The following MAP1A variants were observed in gnomAD, a reference collection of about 807,000 sequenced individuals.
The protein encoded by MAP1A is microtubule-associated protein 1A.
In MAP1A, 42 loss-of-function variants were observed where a neutral mutation model predicts 185.9. The ratio of observed to expected loss-of-function variants is 0.23; its 90% CI spans 0.18 to 0.29. MAP1A has a LOEUF of 0.29. Ranked by LOEUF, MAP1A falls within the 10% of genes least tolerant of loss-of-function variation. MAP1A has a pLI of 1.00. For missense variants in MAP1A, 2,995 were observed against 3,450.4 expected, an observed-to-expected ratio of 0.87 and a Z score of 3.31; for synonymous variants, 1,229 against 1,335.9, an observed-to-expected ratio of 0.92 and a Z score of 1.74.
At chr15:43,516,994 G>A (rs1225105526), upstream of MAP1A, among the ~76,000 whole-genome samples, 1 of 152,144 alleles carries the variant, frequency 6.6e-6, no homozygotes, top group Non-Finnish European at 1.5e-5. Flanking sequence ...CAGGGTCCCT[G>A]TGCCCCACCC....
rs1162051580 is a variant in MAP1A at position 43,523,243 on chromosome 15, G to A, written c.1770G>A (p.Met590Ile). The A allele has an allele frequency of 6.2e-7, 1 of 1,614,076 alleles. No homozygotes were observed. Among genetic ancestry groups the A allele is most frequent in the East Asian group, 2.2e-5 (1 of 44,890 alleles). ...GGCTGGGACAAGAAGAACATGTGAT[G>A]AAGGAGAAAGAGCTTGTCCCAGAGG... is the stretch of plus-strand genomic sequence containing the variant. ...VPGLGQEEHV[M>I]KEKELVPEVP... The change falls in exon 4 of 6, where the codon ATG becomes ATA. Residue 590 changes from methionine (M) to isoleucine (I), a missense_variant. Transcript: ENST00000300231.
At position 43,529,476 on chromosome 15, in the gene MAP1A, A is replaced by G. The variant is rs2079362377; in HGVS notation, c.8003A>G (p.Lys2668Arg). ...EEKDGHSPMS[K>R]GLVNGLKAGP... is the part of the protein sequence containing the mutation. ...AAGGATGGACACAGCCCCATGTCCA[A>G]AGGCCTAGTCAATGGACTCAAGGCA... Residue 2668 changes from lysine to arginine, a missense_variant, in exon 4 of 6, where the codon AAA becomes AGA. Physicochemically the swap from Lys to Arg is conservative, Grantham distance 26 (BLOSUM62 2). This residue lies in a region of MAP1A where 2,728 missense variants were observed against 2,986.0 expected (regional missense o/e 0.91). Coordinates refer to ENST00000300231, the MANE Select transcript of MAP1A (RefSeq NM_002373.6). This position sits in a 1 kb window ranked among gnomAD's most constrained non-coding sequence, Gnocchi z 4.3. 6.2e-7 allele frequency: 1 copy of G among 1,611,716 alleles called. No individual in the cohort carries two copies. The highest frequency in any genetic ancestry group is 8.5e-7 in the Non-Finnish European group (1 of 1,178,588).
In MAP1A at chr15:43,525,413, G is replaced by C. The variant is rs888121977; in HGVS notation, c.3940G>C (p.Glu1314Gln). The C allele has an allele frequency of 2.4e-5, 39 of 1,614,142 alleles. No homozygotes were observed. The highest frequency in any genetic ancestry group is 3.3e-5 in the Non-Finnish European group (39 of 1,180,042). Residue 1314 changes from glutamate to glutamine, a missense_variant, in exon 4 of 6, where the codon GAA becomes CAA. Glu to Gln is a conservative substitution (Grantham distance 29). Transcript: ENST00000300231. ...YLPGAITSPD[E>Q]HILTPDSSFS... ...ACCTGGGGCGATCACAAGCCCTGAT[G>C]AACACATTCTGACACCTGATAGCTC...
In MAP1A at chr15:43,517,611, C is replaced by A; in HGVS notation, c.-464C>A. Reference sequence around the variant, plus strand: ...TCCCCCCCCCACCGCCCGCCCCACTCCCACCCTAAGTGCTGCAGACTCTTC... The same window carrying A: ...TCCCCCCCCCACCGCCCGCCCCACTACCACCCTAAGTGCTGCAGACTCTTC... On this transcript the variant is annotated 5_prime_UTR_variant, in exon 1 of 6. Transcript: ENST00000300231. 5 of 855,762 alleles carry A rather than the reference C, an allele frequency of 5.8e-6. No homozygotes were observed. Among genetic ancestry groups the A allele is most frequent in the Non-Finnish European group, 5.6e-6 (4 of 712,480 alleles). 53.0% of individuals were successfully genotyped at this position (855,762 alleles called of 1,614,324 possible). A position where few individuals can be genotyped will look rare whatever the true frequency, so the allele number is the denominator to read the frequency against.
rs1484287850 is a variant in MAP1A at position 43,527,381 on chromosome 15, A to G, written c.5908A>G (p.Ile1970Val). The G allele has an allele frequency of 1.2e-6, 2 of 1,614,186 alleles. No homozygotes were observed. Among genetic ancestry groups the G allele is most frequent in the Non-Finnish European group, 1.7e-6 (2 of 1,180,006 alleles). Residue 1970 changes from isoleucine (I) to valine (V), a missense_variant, in exon 4 of 6, where the codon ATC becomes GTC. Coordinates refer to ENST00000300231, the MANE Select transcript of MAP1A (RefSeq NM_002373.6). The stretch of plus-strand genomic sequence containing the variant: ...TGAGAGAAGCTTTCAGTATGCAGAC[A>G]TCTATGAGCAGATGATGCTTACTGG... ...PDERSFQYAD[I>V]YEQMMLTGLG...
At position 43,523,023 on chromosome 15, in the gene MAP1A, T is replaced by C; in HGVS notation, c.1550T>C (p.Ile517Thr). The stretch of plus-strand genomic sequence containing the variant: ...AAGGGAACTGTACCACTCCCAACCA[T>C]CAGTGGGCACAGGGAGCTGGTCCTA... ...AQKGTVPLPT[I>T]SGHRELVLSS... is the part of the protein sequence containing the mutation. Residue 517 changes from isoleucine (I) to threonine (T), a missense_variant, in exon 4 of 6, where the codon ATC becomes ACC. Physicochemically the swap from Ile to Thr is moderately conservative, Grantham distance 89 (BLOSUM62 -1). Around this residue, in one of 3 missense-constraint regions of MAP1A, gnomAD observed 2,728 missense variants for 2,986.0 expected, o/e 0.91. Transcript: ENST00000300231. 6.2e-7 allele frequency: 1 copy of C among 1,614,086 alleles called. No individual in the cohort carries two copies. Among genetic ancestry groups the C allele is most frequent in the Non-Finnish European group, 8.5e-7 (1 of 1,180,010 alleles).
In MAP1A at chr15:43,527,988, C is replaced by T. The variant is rs1476966164; in HGVS notation, c.6515C>T (p.Ser2172Leu). Residue 2172 changes from serine to leucine, a missense_variant, in exon 4 of 6, where the codon TCA becomes TTA. Physicochemically the swap from Ser to Leu is moderately radical, Grantham distance 145. Transcript: ENST00000300231. ...DFPASAFGFS[S>L]LQPAPPQLPS... is the part of the protein sequence containing the mutation. ...CCTGCTTCAGCCTTTGGCTTCTCCTCATTGCAGCCAGCTCCCCCACAGCTG... is the reference window on the plus strand; with the variant it reads ...CCTGCTTCAGCCTTTGGCTTCTCCTTATTGCAGCCAGCTCCCCCACAGCTG... The T allele has an allele frequency of 1.9e-6, 3 of 1,613,950 alleles. No individual in the cohort carries two copies. The highest frequency in any genetic ancestry group is 2.5e-6 in the Non-Finnish European group (3 of 1,180,020).
chr15:43,511,205 G>A (rs1220004324), exon 1 of MAP1A: 2 of 1,550,406 alleles, frequency 1.3e-6, no homozygotes, highest in Non-Finnish European at 1.7e-6. Context: ...GCTGAGGGCC[G>A]TGCGGGCCCA....
In MAP1A at chr15:43,511,244, C is replaced by T. The variant is rs755182926; in HGVS notation, c.238+18C>T. 1.6e-5 allele frequency: 24 copies of T among 1,541,278 alleles called. 2 individuals carry two copies. In the South Asian group the frequency reaches 2.9e-4, roughly 18 times the overall value. On this transcript the variant is annotated intron_variant, in intron 1 of 6. Transcript: ENST00000382031. Reference sequence around the variant, plus strand: ...TGAACAAGGTGAGCCACTGTTCTGGCTGTGCTTCAGGCATCTCTACCCTGT... The same window carrying T: ...TGAACAAGGTGAGCCACTGTTCTGGTTGTGCTTCAGGCATCTCTACCCTGT...
upstream of MAP1A, among the ~76,000 whole-genome samples, chr15:43,515,617 G>T (rs974147789): frequency 7.2e-5 from 11 of 152,196 alleles, no homozygotes; most frequent in African/African-American, 2.4e-4. Flanking sequence ...GAATGAAGAA[G>T]CTTTTTTTTC....
chr15:43,527,084 C>T lies in MAP1A; in HGVS notation c.5611C>T (p.His1871Tyr), dbSNP rs957075910. The T allele has an allele frequency of 2.5e-6, 4 of 1,586,968 alleles. No homozygotes were observed. Among genetic ancestry groups the T allele is most frequent in the Non-Finnish European group, 3.4e-6 (4 of 1,165,524 alleles). Residue 1871 changes from histidine to tyrosine, a missense_variant, in exon 4 of 6, where the codon CAT becomes TAT. Around this residue, in one of 3 missense-constraint regions of MAP1A, gnomAD observed 2,728 missense variants for 2,986.0 expected, o/e 0.91. Coordinates refer to ENST00000300231, the MANE Select transcript of MAP1A (RefSeq NM_002373.6). ...PGPPTPAPESHTPAPFSWGTA... is the reference protein window; with the variant it reads ...PGPPTPAPESYTPAPFSWGTA... ...TCCCCCCACACCTGCCCCGGAATCC[C>T]ATACTCCTGCACCCTTCTCTTGGGG... is the stretch of plus-strand genomic sequence containing the variant.
At chr15:43,518,704 G>GCCCCCCCCCCCCCCCCC (rs1415845642) in intron 1 of MAP1A, among the ~76,000 whole-genome samples, 5 of 104,404 alleles carry the variant, frequency 4.8e-5, no homozygotes, top group Middle Eastern at 5.3e-3. Context: ...CTGCACCGCA[G>GCCCCCCCCCCCCCCCCC]CCCACCCCCC....
chr15:43,516,040 C>G (rs1315654388), upstream of MAP1A, among the ~76,000 whole-genome samples: 3 of 152,274 alleles, frequency 2.0e-5, no homozygotes, highest in East Asian at 3.9e-4. Context: ...AACTAAATGT[C>G]TACTTAAGTT....
chr15:43,529,062 C>G lies in MAP1A; in HGVS notation c.7589C>G (p.Ala2530Gly). 6.2e-7 allele frequency: 1 copy of G among 1,613,892 alleles called. No individual in the cohort carries two copies. Reference sequence around the variant, plus strand: ...TGTCCGTCCATCACAGCTGAGGCAGCCCTCGACTCAGATGAAGATGGAGAC... The same window carrying G: ...TGTCCGTCCATCACAGCTGAGGCAGGCCTCGACTCAGATGAAGATGGAGAC... ...EECPSITAEA[A>G]LDSDEDGDFL... Residue 2530 changes from alanine to glycine, a missense_variant, in exon 4 of 6, where the codon GCC becomes GGC. Ala to Gly is a moderately conservative substitution (Grantham distance 60). Coordinates refer to ENST00000300231, the MANE Select transcript of MAP1A (RefSeq NM_002373.6). This position sits in a 1 kb window ranked among gnomAD's most constrained non-coding sequence, Gnocchi z 4.3.
intron 1 of MAP1A, 80 bp from the exon 2 acceptor site, chr15:43,520,561 C>A: frequency 1.1e-6 from 1 of 941,736 alleles, no homozygotes; most frequent in Non-Finnish European, 1.7e-6. Flanking sequence ...AGCCCCATTT[C>A]CTGATAGCAC....
Position 43,521,281 on chromosome 15 carries a change from A to C in MAP1A, c.-150-43A>C, listed in dbSNP as rs1470636122. Reference sequence around the variant, plus strand: ...TACTGAATCTAAGTCAGACCAAAACAACTCTAGTGACCTGATCAGGTTTCT... The same window carrying C: ...TACTGAATCTAAGTCAGACCAAAACCACTCTAGTGACCTGATCAGGTTTCT... On this transcript the variant is annotated intron_variant, in intron 3 of 5. Coordinates refer to ENST00000300231, the MANE Select transcript of MAP1A (RefSeq NM_002373.6). This position sits in a 1 kb window ranked among gnomAD's most constrained non-coding sequence, Gnocchi z 4.6. 6.6e-7 allele frequency: 1 copy of C among 1,526,644 alleles called. No individual in the cohort carries two copies. The highest frequency in any genetic ancestry group is 2.1e-5 in the Admixed American group (1 of 47,168). The allele number at this position is 1,526,644 out of a possible 1,614,324, so 94.6% of individuals were successfully genotyped here. A position where few individuals can be genotyped will look rare whatever the true frequency, so the allele number is the denominator to read the frequency against.
At position 43,524,120 on chromosome 15, in the gene MAP1A, A is replaced by G. The variant is rs1305482853; in HGVS notation, c.2647A>G (p.Thr883Ala). 1 of 1,614,188 alleles carries G rather than the reference A, an allele frequency of 6.2e-7. No individual in the cohort carries two copies. Among genetic ancestry groups the G allele is most frequent in the Admixed American group, 1.7e-5 (1 of 60,030 alleles). The change falls in exon 4 of 6, where the codon ACG (threonine) becomes GCG (alanine). Residue 883 changes from threonine to alanine, a missense_variant. Coordinates refer to ENST00000300231, the MANE Select transcript of MAP1A (RefSeq NM_002373.6). ...CATCCCTTCCTCCCGTACTGAAGCTACGCAGGGCTTGGACTATGTGCCATC... is the reference window on the plus strand; with the variant it reads ...CATCCCTTCCTCCCGTACTGAAGCTGCGCAGGGCTTGGACTATGTGCCATC... ...TSIPSSRTEA[T>A]QGLDYVPSAG...
Position 43,526,965 on chromosome 15 carries a change from A to G in MAP1A, c.5492A>G (p.Asn1831Ser), listed in dbSNP as rs755182861. 4.5e-5 allele frequency: 73 copies of G among 1,613,618 alleles called. 1 individual carries two copies. In the Middle Eastern group the frequency reaches 1.5e-3, roughly 33 times the overall value. The change falls in exon 4 of 6, where the codon AAT becomes AGT. Residue 1831 changes from asparagine (N) to serine (S), a missense_variant. By Grantham distance (46) the Asn-to-Ser change is conservative. Coordinates refer to ENST00000300231, the MANE Select transcript of MAP1A (RefSeq NM_002373.6). The surrounding 1 kb of genome is among the most constrained non-coding windows in gnomAD (Gnocchi z 4.7). ...CCTAAGCTCATGCCACACATGAAGAATGAACCCACTACTCCCTCATGGCTG... is the reference window on the plus strand; with the variant it reads ...CCTAAGCTCATGCCACACATGAAGAGTGAACCCACTACTCCCTCATGGCTG... ...PDPKLMPHMK[N>S]EPTTPSWLAD...
At position 43,528,113 on chromosome 15, in the gene MAP1A, C is replaced by T. The variant is rs1060955; in HGVS notation, c.6640C>T (p.His2214Tyr). The change falls in exon 4 of 6, where the codon CAT becomes TAT. Residue 2214 changes from histidine to tyrosine, a missense_variant. Around this residue, in one of 3 missense-constraint regions of MAP1A, gnomAD observed 2,728 missense variants for 2,986.0 expected, o/e 0.91. Transcript: ENST00000300231. ...LAPGPPTRTR[H>Y]DEYLEVTKAP... The stretch of plus-strand genomic sequence containing the variant: ...TCCAGGACCCCCCACCAGAACCCGG[C>T]ATGATGAATACCTGGAAGTGACCAA... The T allele has an allele frequency of 6.2e-7, 1 of 1,614,094 alleles. No homozygotes were observed.
Sources: gnomAD v4.1 joint callset for allele counts (sites outside exome capture counted in the v4.1 genomes callset) on GRCh38, gnomAD v4.1.1 for gene constraint, gnomAD v4.1.1 regional missense constraint, Gnocchi (gnomAD v3.1) non-coding constraint, MANE v1.5 for transcripts, NCBI Gene and HGNC (gene_info 2026-07-23, HGNC 2026-07-21) for gene names.